Variants in DNAH9 observed in about 807,000 individuals in gnomAD.
DNAH9 encodes the protein DNAH9 variant protein.
In DNAH9, 345 loss-of-function variants were observed where a neutral mutation model predicts 471.6. The ratio of observed to expected loss-of-function variants is 0.73; its 90% CI spans 0.67 to 0.80. The LOEUF is 0.80. Ranked by LOEUF, DNAH9 falls within the 30% of genes least tolerant of loss-of-function variation. The pLI is 0.00. For synonymous variants in DNAH9, 2,093 were observed against 2,123.6 expected, an observed-to-expected ratio of 0.99 and a Z score of 0.40; for missense variants, 5,407 against 5,609.2, an observed-to-expected ratio of 0.96 and a Z score of 1.15.
chr17:11,812,036 T>G (rs1484736357), intron 45 of DNAH9, among the ~76,000 whole-genome samples: 1 of 64,180 alleles, frequency 1.6e-5, no homozygotes, highest in African/African-American at 6.6e-5. Context: ...AATATATATA[T>G]ATATATATAT....
intron 45 of DNAH9, among the ~76,000 whole-genome samples, chr17:11,814,091 C>G (rs1970011607): frequency 6.6e-6 from 1 of 152,096 alleles, no homozygotes; most frequent in African/African-American, 2.4e-5. Context: ...TGGCTATGTT[C>G]TTATTGACCT....
intron 24 of DNAH9, among the ~76,000 whole-genome samples, chr17:11,701,930 C>T (rs2074606677): frequency 6.6e-6 from 1 of 152,170 alleles, no homozygotes. Context: ...GATCCGCCCA[C>T]CTCGGCCTCC....
rs111574749 is a variant in DNAH9, at chr17:11,929,909, A to T, written c.11921A>T (p.Lys3974Met). The change falls in exon 63 of 69, where the codon AAG becomes ATG. Residue 3974 changes from lysine to methionine, a missense_variant. Transcript: ENST00000262442. ...AAGTGGCTCAGCACCCTGGAGAAGA[A>T]GCTGGAGGAGCACAGTGAGAACAGC... ...VAKWLSTLEKKLEEHSENSHP... is the reference protein window; with the variant it reads ...VAKWLSTLEKMLEEHSENSHP... The T allele has an allele frequency of 5.4e-4, 879 of 1,614,016 alleles. 7 individuals are homozygous for T. In the African/African-American group the frequency reaches 9.9e-3, roughly 18 times the overall value.
chr17:11,698,189 A>AT (rs1567728604), intron 22 of DNAH9, among the ~76,000 whole-genome samples: 3 of 16,758 alleles, frequency 1.8e-4, no homozygotes, highest in Admixed American at 9.4e-4. Context: ...TTATTATATT[A>AT]ATATAATAAT....
chr17:11,727,281 G>A (rs1402713766), intron 27 of DNAH9, among the ~76,000 whole-genome samples: 1 of 151,878 alleles, frequency 6.6e-6, no homozygotes, highest in East Asian at 1.9e-4. Flanking sequence ...TTCCTTCCCT[G>A]CTCTCATTTG....
intron 26 of DNAH9, among the ~76,000 whole-genome samples, chr17:11,709,234 A>G (rs1216441341): frequency 6.6e-6 from 1 of 152,184 alleles, no homozygotes; most frequent in East Asian, 1.9e-4. Context: ...GCAAATAAGA[A>G]CTTGAAAGGA....
chr17:11,933,866 C>A lies in DNAH9; in HGVS notation c.12298-14C>A. 3.1e-6 allele frequency: 5 copies of A among 1,600,276 alleles called. No homozygotes were observed. The South Asian group carries it at 4.5e-5, about 14-fold the overall frequency. ...TCTTTCTTCCTTCCTCTCTTTCTTTCCCCCATCACTCAGGTCCCCTATGAT... is the reference window on the plus strand; with the variant it reads ...TCTTTCTTCCTTCCTCTCTTTCTTTACCCCATCACTCAGGTCCCCTATGAT... On this transcript the variant is annotated splice_polypyrimidine_tract_variant and intron_variant, in intron 64 of 68. Transcript: ENST00000262442.
In DNAH9 at chr17:11,779,054, T is replaced by A. The variant is rs1005550972; in HGVS notation, c.7553-1955T>A. 1.2e-4 allele frequency among the ~76,000 whole-genome samples: 18 copies of A among 152,038 alleles called. No individual in the cohort carries two copies. The East Asian group carries it at 2.5e-3, about 21-fold the overall frequency. The stretch of plus-strand genomic sequence containing the variant: ...TTGCCCTTCAAGTATAAGATGGCAG[T>A]GCAATAGTATCCAGAGAATGGCCAT... On this transcript the variant is annotated intron_variant, in intron 38 of 68. Transcript: ENST00000262442.
intron 61 of DNAH9, 29 bp from the exon 62 acceptor site, chr17:11,923,782 AAAT>A (rs1974220347): frequency 1.9e-6 from 3 of 1,610,834 alleles, no homozygotes; most frequent in African/African-American, 2.7e-5. Context: ...TAGACACAAG[AAAT>A]AATAATGACG....
At position 11,847,819 on chromosome 17, in the gene DNAH9, C is replaced by A. The variant is rs114565498; in HGVS notation, c.9508-6184C>A. On this transcript the variant is annotated intron_variant, in intron 49 of 68. Coordinates refer to ENST00000262442, the MANE Select transcript of DNAH9 (RefSeq NM_001372.4). The stretch of plus-strand genomic sequence containing the variant: ...GAATTATATCAATGGACTGCCTTTG[C>A]CCTCTAGGTTTTTGTGACCTTTGGC... Among the ~76,000 whole-genome samples the A allele has an allele frequency of 3.8e-3, 583 of 152,226 alleles. 6 individuals carry two copies. Among genetic ancestry groups the A allele is most frequent in the African/African-American group, 0.013 (557 of 41,544 alleles).
chr17:11,678,662 AT>A (rs150090149), intron 17 of DNAH9, among the ~76,000 whole-genome samples: 27,315 of 149,812 alleles, frequency 0.18, 2,597 homozygotes, highest in African/African-American at 0.24. Flanking sequence ...TAATTTTAAG[AT>A]TTTTTTTTTC....
At chr17:11,945,758 G>GTTT (rs1412034649) in intron 67 of DNAH9, among the ~76,000 whole-genome samples, 2 of 103,220 alleles carry the variant, frequency 1.9e-5, no homozygotes, top group Admixed American at 2.1e-4. Flanking sequence ...ATATACACAT[G>GTTT]TGAGAAAGCT....
chr17:11,769,123 C>G lies in DNAH9; in HGVS notation c.7346C>G (p.Ala2449Gly). Reference sequence around the variant, plus strand: ...AGGCTTATTGTGCTCCCATTCCAGGCGTGTTTGGTGCACACGAGTGAGACC... The same window carrying G: ...AGGCTTATTGTGCTCCCATTCCAGGGGTGTTTGGTGCACACGAGTGAGACC... ...FEFDPEMPLQ[A>G]CLVHTSETIR... Residue 2449 changes from alanine to glycine, a missense_variant and splice_region_variant, in exon 38 of 69, where the codon GCG (alanine) becomes GGG (glycine). Around this residue, in one of 3 missense-constraint regions of DNAH9, gnomAD observed 4,636 missense variants for 4,900.3 expected, o/e 0.95. Transcript: ENST00000262442. 1 of 1,614,124 alleles carries G rather than the reference C, an allele frequency of 6.2e-7. No homozygotes were observed. The highest frequency in any genetic ancestry group is 8.5e-7 in the Non-Finnish European group (1 of 1,180,002).
chr17:11,621,867 G>A (rs2072875471), intron 6 of DNAH9, among the ~76,000 whole-genome samples: 1 of 152,088 alleles, frequency 6.6e-6, no homozygotes, highest in Admixed American at 6.5e-5. Context: ...GGATCACAAG[G>A]TCAGGAGTTT....
At chr17:11,788,428 C>G (rs1165182834) in intron 41 of DNAH9, among the ~76,000 whole-genome samples, 1 of 152,192 alleles carries the variant, frequency 6.6e-6, no homozygotes, top group African/African-American at 2.4e-5. Context: ...GGGATCTCAC[C>G]TATGTAATCA....
intron 5 of DNAH9, among the ~76,000 whole-genome samples, chr17:11,618,361 G>A (rs1194703975): frequency 6.6e-6 from 1 of 152,164 alleles, no homozygotes; most frequent in Admixed American, 6.5e-5. Flanking sequence ...GCTGAGGCGG[G>A]CAGATCACGA....
intron 1 of DNAH9, among the ~76,000 whole-genome samples, chr17:11,601,573 CT>C (rs1433549904): frequency 7.2e-5 from 11 of 152,160 alleles, no homozygotes; most frequent in Non-Finnish European, 1.5e-5. Context: ...AAGTCCTTTC[CT>C]TGCATTTCTC....
At position 11,623,880 on chromosome 17, in the gene DNAH9, T is replaced by A. The variant is rs1399459260; in HGVS notation, c.1350+4099T>A. ...ATTCTCCCAGATTTCATTTCTCTGA[T>A]GTGAGTTGCTTTTTTATTCTTTCAC... On this transcript the variant is annotated intron_variant, in intron 6 of 68. Transcript: ENST00000262442. The surrounding 1 kb of genome is among the most constrained non-coding windows in gnomAD (Gnocchi z 4.1). 6.6e-6 allele frequency among the ~76,000 whole-genome samples: 1 copy of A among 152,194 alleles called. No homozygotes were observed. The highest frequency in any genetic ancestry group is 1.5e-5 in the Non-Finnish European group (1 of 68,034).
intron 51 of DNAH9, among the ~76,000 whole-genome samples, chr17:11,870,365 G>T (rs1350462993): frequency 6.6e-6 from 1 of 152,168 alleles, no homozygotes; most frequent in Non-Finnish European, 1.5e-5. Context: ...TTCTCTTCAA[G>T]CTAGAGACTT....
Sources: allele counts gnomAD v4.1 joint callset (sites outside exome capture counted in the v4.1 genomes callset), GRCh38; gene constraint gnomAD v4.1.1; regional missense constraint gnomAD v4.1.1; non-coding constraint Gnocchi (gnomAD v3.1); transcripts MANE v1.5; gene names NCBI Gene and HGNC (gene_info 2026-07-23, HGNC 2026-07-21).